CTDSPL2: variants seen among roughly 807,000 people sequenced by gnomAD.
The protein encoded by CTDSPL2 is CTD small phosphatase like 2, also known as CTD small phosphatase-like protein 2.
CTDSPL2 carries 5 observed loss-of-function variants against 60.0 expected under a neutral mutation model. The ratio of observed to expected loss-of-function variants is 0.08; its 90% CI spans 0.04 to 0.18. CTDSPL2 has a LOEUF of 0.18. Ranked by LOEUF, CTDSPL2 falls within the 10% of genes least tolerant of loss-of-function variation. The pLI, the probability that CTDSPL2 is intolerant of heterozygous loss-of-function variation, is 1.00. For synonymous variants in CTDSPL2, 186 were observed against 189.3 expected (o/e 0.98, Z 0.14); for missense variants, 370 against 548.8 (o/e 0.67, Z 3.26).
chr15:44,492,532 G>C (rs1214877250), intron 5 of CTDSPL2, among the ~76,000 whole-genome samples: 1 of 152,048 alleles, frequency 6.6e-6, no homozygotes, highest in African/African-American at 2.4e-5. Context: ...ATAAGTCTAG[G>C]AGCATCTGTA....
intron 4 of CTDSPL2, 31 bp from the exon 5 acceptor site, chr15:44,490,753 A>G (rs984618838): frequency 1.3e-6 from 2 of 1,558,070 alleles, no homozygotes; most frequent in Non-Finnish European, 1.8e-6. Flanking sequence ...GCATTTTTAA[A>G]TGATGATAGT....
intron 2 of CTDSPL2, among the ~76,000 whole-genome samples, chr15:44,478,459 A>G: frequency 7.3e-6 from 1 of 137,860 alleles, no homozygotes; most frequent in East Asian, 2.6e-4. Context: ...TCTCAAAAAA[A>G]AAAAAAAAAA....
intron 10 of CTDSPL2, among the ~76,000 whole-genome samples, chr15:44,517,966 TATA>T (rs1272349097): frequency 6.6e-6 from 1 of 152,216 alleles, no homozygotes; most frequent in Non-Finnish European, 1.5e-5. Flanking sequence ...AGTTATTCCT[TATA>T]ATAAGGGGGA....
At chr15:44,430,296 G>T (rs779483358) in intron 1 of CTDSPL2, among the ~76,000 whole-genome samples, 2 of 152,042 alleles carry the variant, frequency 1.3e-5, no homozygotes, top group African/African-American at 2.4e-5. Flanking sequence ...AGAGATGGGG[G>T]TCTCTCTTTG....
At chr15:44,433,925 C>G (rs2079916087) in intron 1 of CTDSPL2, among the ~76,000 whole-genome samples, 2 of 148,834 alleles carry the variant, frequency 1.3e-5, no homozygotes, top group African/African-American at 5.0e-5. Context: ...TGCACTCCAG[C>G]CTGGGCAACA....
intron 1 of CTDSPL2, among the ~76,000 whole-genome samples, chr15:44,452,290 A>G (rs1438259907): frequency 6.6e-6 from 1 of 151,978 alleles, no homozygotes; most frequent in Non-Finnish European, 1.5e-5. Flanking sequence ...CTTTTTAATG[A>G]TGTTATTAAA....
intron 10 of CTDSPL2, among the ~76,000 whole-genome samples, chr15:44,518,042 C>T (rs1050733199): frequency 6.6e-6 from 1 of 152,190 alleles, no homozygotes; most frequent in Non-Finnish European, 1.5e-5. Flanking sequence ...CCAACTGGCA[C>T]TGATAATTTT....
intron 10 of CTDSPL2, among the ~76,000 whole-genome samples, chr15:44,515,197 T>G (rs529890340): frequency 9.2e-5 from 14 of 152,336 alleles, no homozygotes; most frequent in African/African-American, 3.4e-4. Flanking sequence ...TAATTTACTT[T>G]TTAATGGCAT....
chr15:44,510,859 A>T (rs556321516), intron 8 of CTDSPL2, among the ~76,000 whole-genome samples: 18 of 152,324 alleles, frequency 1.2e-4, no homozygotes, highest in African/African-American at 4.1e-4. Context: ...TCATTGTATT[A>T]TATGTACCTG....
At chr15:44,450,879 T>A (rs2141322118) in intron 1 of CTDSPL2, among the ~76,000 whole-genome samples, 1 of 152,246 alleles carries the variant, frequency 6.6e-6, no homozygotes, top group South Asian at 2.1e-4. Context: ...ATTACAGGCG[T>A]GAGCCACTGC....
intron 8 of CTDSPL2, among the ~76,000 whole-genome samples, chr15:44,506,066 G>C (rs1405512667): frequency 3.6e-5 from 4 of 110,486 alleles, no homozygotes; most frequent in Non-Finnish European, 6.9e-5. Context: ...GTCTCAATCT[G>C]TTGCCCAGGC....
chr15:44,472,742 C>T (rs1476247522), intron 2 of CTDSPL2, among the ~76,000 whole-genome samples: 1 of 152,198 alleles, frequency 6.6e-6, no homozygotes, highest in Non-Finnish European at 1.5e-5. Flanking sequence ...CCATTCACTG[C>T]AACTTCTACC....
At chr15:44,494,920 C>T (rs747028376) in intron 5 of CTDSPL2, among the ~76,000 whole-genome samples, 5 of 151,796 alleles carry the variant, frequency 3.3e-5, no homozygotes, top group Non-Finnish European at 5.9e-5. Flanking sequence ...CGCCTCAACA[C>T]AAACAAACAA....
chr15:44,506,390 G>C (rs2081464641), intron 8 of CTDSPL2, among the ~76,000 whole-genome samples: 1 of 145,046 alleles, frequency 6.9e-6, no homozygotes, highest in Non-Finnish European at 1.5e-5. Flanking sequence ...AATACATTAA[G>C]CTTCATTTTA....
chr15:44,440,118 A>G (rs770261190), intron 1 of CTDSPL2, among the ~76,000 whole-genome samples: 1 of 151,942 alleles, frequency 6.6e-6, no homozygotes, highest in African/African-American at 2.4e-5. Context: ...TTGGTGGTCC[A>G]TATGTTTTGA....
intron 1 of CTDSPL2, among the ~76,000 whole-genome samples, chr15:44,453,236 G>A (rs900463420): frequency 1.3e-5 from 2 of 152,148 alleles, no homozygotes; most frequent in East Asian, 1.9e-4. Context: ...TAGAGGGACA[G>A]CATTCAGCCT....
chr15:44,499,690 T>A, intron 7 of CTDSPL2, 37 bp from the exon 8 acceptor site: 1 of 1,208,170 alleles, frequency 8.3e-7, no homozygotes, highest in Non-Finnish European at 1.2e-6. Context: ...TTTCTTTTAC[T>A]ATCTTGTTTC....
At chr15:44,450,875 G>T (rs976612103) in intron 1 of CTDSPL2, among the ~76,000 whole-genome samples, 1 of 152,020 alleles carries the variant, frequency 6.6e-6, no homozygotes, top group Non-Finnish European at 1.5e-5. Flanking sequence ...TGGGATTACA[G>T]GCGTGAGCCA....
chr15:44,486,510 G>A, intron 3 of CTDSPL2, 41 bp from the exon 4 acceptor site: 13 of 1,384,380 alleles, frequency 9.4e-6, no homozygotes, highest in Non-Finnish European at 1.2e-5. Context: ...CTGAAATTCA[G>A]TGTTTTCTAG....
Sources: allele counts gnomAD v4.1 joint callset (sites outside exome capture counted in the v4.1 genomes callset), GRCh38; gene constraint gnomAD v4.1.1; transcripts MANE v1.5; gene names NCBI Gene and HGNC (gene_info 2026-07-23, HGNC 2026-07-21).